RANBP2: variants seen among roughly 807,000 people sequenced by gnomAD.
RANBP2 encodes the protein E3 SUMO-protein ligase RanBP2.
RANBP2 carries 57 observed loss-of-function variants against 303.6 expected under a neutral mutation model. The observed-to-expected ratio is 0.19, with a 90% CI of 0.15 to 0.23. The LOEUF (loss-of-function observed/expected upper bound fraction) is 0.23. Among genes scored for constraint, RANBP2 ranks in the 10% least tolerant of loss-of-function variants. The probability of loss-of-function intolerance (pLI) is 1.00; values close to 1 mark genes in which losing one functional copy is unlikely to be tolerated. For synonymous variants in RANBP2, 1,167 were observed against 1,301.5 expected, an observed-to-expected ratio of 0.90 and a Z score of 2.23; for missense variants, 3,138 against 3,780.8, an observed-to-expected ratio of 0.83 and a Z score of 4.46.
the RANBP2 span, chr2:109,501,549 G>A: frequency 2.6e-6 from 2 of 779,562 alleles, no homozygotes; most frequent in Non-Finnish European, 4.8e-6. Flanking sequence ...GGCGGAGATC[G>A]AGCTGAAGGA....
the RANBP2 span, chr2:108,895,102 T>A: frequency 6.6e-6 from 1 of 152,584 alleles, no homozygotes; most frequent in South Asian, 2.1e-4. Context: ...TGCCGTGGAG[T>A]ATTTAGCTTG....
At chr2:109,305,135 T>C in the RANBP2 span, among the ~76,000 whole-genome samples, 1 of 152,178 alleles carries the variant, frequency 6.6e-6, no homozygotes, top group Non-Finnish European at 1.5e-5. Context: ...TATTAATCTC[T>C]TAGAAAGGGG....
chr2:109,407,078 A>G, the RANBP2 span, among the ~76,000 whole-genome samples: 2 of 152,132 alleles, frequency 1.3e-5, no homozygotes, highest in Non-Finnish European at 2.9e-5. Context: ...ACCCACTAAT[A>G]CTGCCCATGA....
the RANBP2 span, among the ~76,000 whole-genome samples, chr2:108,811,247 C>CTTTTTTTTTTTTTTTTTTTT: frequency 4.4e-5 from 5 of 113,932 alleles, no homozygotes; most frequent in African/African-American, 1.9e-4. Flanking sequence ...TTCTCTCTCT[C>CTTTTTTTTTTTTTTTTTTTT]TTTTTTTTTT....
the RANBP2 span, among the ~76,000 whole-genome samples, chr2:108,793,251 G>A: frequency 6.6e-6 from 1 of 151,192 alleles, no homozygotes; most frequent in Non-Finnish European, 1.5e-5. Flanking sequence ...TGTAGTCCCA[G>A]CTGCTCGGGA....
the RANBP2 span, among the ~76,000 whole-genome samples, chr2:109,707,585 C>T: frequency 3.3e-5 from 5 of 152,192 alleles, no homozygotes; most frequent in African/African-American, 4.8e-5. Flanking sequence ...CTCCACCACC[C>T]GCCCTGCCCT....
the RANBP2 span, among the ~76,000 whole-genome samples, chr2:109,672,904 A>G: frequency 6.6e-6 from 1 of 152,214 alleles, no homozygotes; most frequent in East Asian, 1.9e-4. Context: ...TTTAAAGCAT[A>G]TAGAAATTTG....
chr2:109,231,258 C>G, the RANBP2 span, among the ~76,000 whole-genome samples: 2 of 152,220 alleles, frequency 1.3e-5, no homozygotes, highest in African/African-American at 2.4e-5. Flanking sequence ...ACTGCTCTTT[C>G]TTCTACAGCT....
chr2:109,278,499 A>G, the RANBP2 span, among the ~76,000 whole-genome samples: 8 of 152,248 alleles, frequency 5.3e-5, no homozygotes, highest in Non-Finnish European at 7.3e-5. Context: ...ATGAGGCACA[A>G]GGATTCAGCA....
At chr2:109,093,543 G>A in the RANBP2 span, among the ~76,000 whole-genome samples, 1 of 152,034 alleles carries the variant, frequency 6.6e-6, no homozygotes, top group African/African-American at 2.4e-5. Context: ...ATTTCATGTG[G>A]GAAGTTATCT....
chr2:109,032,026 A>T, the RANBP2 span, among the ~76,000 whole-genome samples: 1 of 149,360 alleles, frequency 6.7e-6, no homozygotes, highest in Non-Finnish European at 1.5e-5. Flanking sequence ...TGGTGTTCAA[A>T]CCCCCTACGG....
the RANBP2 span, among the ~76,000 whole-genome samples, chr2:109,191,111 G>A: frequency 2.8e-3 from 423 of 152,244 alleles, no homozygotes; most frequent in Non-Finnish European, 5.3e-3. Context: ...CAAGTGATTG[G>A]AGAGAGATCC....
At chr2:109,398,265 C>A in the RANBP2 span, among the ~76,000 whole-genome samples, 1 of 152,204 alleles carries the variant, frequency 6.6e-6, no homozygotes, top group Non-Finnish European at 1.5e-5. Flanking sequence ...TAGTCCCTCA[C>A]TGTCTGCAAG....
At chr2:109,326,230 G>A in the RANBP2 span, among the ~76,000 whole-genome samples, 3 of 152,160 alleles carry the variant, frequency 2.0e-5, no homozygotes, top group Non-Finnish European at 4.4e-5. Flanking sequence ...ACCCAACAAG[G>A]AATCAGCTGT....
chr2:109,545,654 A>C, the RANBP2 span: 13 of 1,493,994 alleles, frequency 8.7e-6, no homozygotes, highest in Non-Finnish European at 1.2e-5. Context: ...ATTCCCCAAC[A>C]AAGGGCACAG....
the RANBP2 span, among the ~76,000 whole-genome samples, chr2:108,968,470 C>A: frequency 6.6e-6 from 1 of 152,146 alleles, no homozygotes. Context: ...GCAGTTCTAA[C>A]CAGGATGAGG....
chr2:109,431,898 A>G, the RANBP2 span, among the ~76,000 whole-genome samples: 8 of 152,104 alleles, frequency 5.3e-5, no homozygotes, highest in African/African-American at 1.9e-4. Context: ...GTAATTAACC[A>G]TAGCACAATT....
the RANBP2 span, among the ~76,000 whole-genome samples, chr2:109,513,607 CTA>C: frequency 6.6e-6 from 1 of 152,192 alleles, no homozygotes; most frequent in African/African-American, 2.4e-5. Flanking sequence ...CGTCCACACA[CTA>C]TATGCACATG....
chr2:109,678,977 C>T, the RANBP2 span, among the ~76,000 whole-genome samples: 27 of 152,264 alleles, frequency 1.8e-4, no homozygotes, highest in East Asian at 4.6e-3. Context: ...GCTGGGAAGC[C>T]GGCAGTAGCT....
Sources: allele counts gnomAD v4.1 joint callset (sites outside exome capture counted in the v4.1 genomes callset), GRCh38; gene constraint gnomAD v4.1.1; transcripts MANE v1.5; gene names NCBI Gene and HGNC (gene_info 2026-07-23, HGNC 2026-07-21).